The following CDH13 variants were observed in gnomAD, a reference collection of about 807,000 sequenced individuals.
CDH13 encodes the protein cadherin-13.
In CDH13, 24 loss-of-function variants were observed where a neutral mutation model predicts 63.8. The observed-to-expected ratio is 0.38, with a 90% CI of 0.27 to 0.53. The LOEUF (loss-of-function observed/expected upper bound fraction) is 0.53, where lower values mean the gene tolerates loss of function less well. Among genes scored for constraint, CDH13 ranks in the 20% least tolerant of loss-of-function variants. The probability of loss-of-function intolerance (pLI) is 0.85; values close to 1 mark genes in which losing one functional copy is unlikely to be tolerated. For synonymous variants in CDH13, 503 were observed against 355.3 expected, an observed-to-expected ratio of 1.42 and a Z score of -4.67; for missense variants, 1,049 against 903.1, an observed-to-expected ratio of 1.16 and a Z score of -2.07.
chr16:83,582,109 G>A (rs1199033519), intron 7 of CDH13, among the ~76,000 whole-genome samples: 1 of 152,172 alleles, frequency 6.6e-6, no homozygotes, highest in Non-Finnish European at 1.5e-5. Context: ...TGTCAGGGGG[G>A]TGGTTAGTAG....
intron 6 of CDH13, among the ~76,000 whole-genome samples, chr16:83,479,949 G>T (rs1411152009): frequency 6.6e-6 from 1 of 152,208 alleles, no homozygotes; most frequent in Non-Finnish European, 1.5e-5. Flanking sequence ...GGGGGAAGGT[G>T]TTAATGGAAA....
rs148426703 is a variant in CDH13, at chr16:82,980,636, C to T, written c.158-51374C>T. ...ATCTAGGAAGATAAGTTATGGTCTC[C>T]GTGTTCTCTAGTAGAAGAAACAGAC... On this transcript the variant is annotated intron_variant, in intron 2 of 13. Coordinates refer to ENST00000567109, the MANE Select transcript of CDH13 (RefSeq NM_001257.5). Among the ~76,000 whole-genome samples, 1,298 of 152,264 alleles carry T rather than the reference C, an allele frequency of 8.5e-3. 16 individuals carry two copies. Among genetic ancestry groups the T allele is most frequent in the African/African-American group, 0.027 (1,131 of 41,544 alleles).
rs151052882 is a variant in CDH13, at chr16:83,303,969, A to C, written c.637-40893A>C. Among the ~76,000 whole-genome samples, 454 of 152,286 alleles carry C rather than the reference A, an allele frequency of 3.0e-3. 2 individuals carry two copies. Among genetic ancestry groups the C allele is most frequent in the African/African-American group, 9.9e-3 (413 of 41,562 alleles). The stretch of plus-strand genomic sequence containing the variant: ...GGATCTCAGACTTTGCCTATCTGAT[A>C]GGATGAATTGGGCTTTTTCTAGTCT... On this transcript the variant is annotated intron_variant, in intron 5 of 13. Coordinates refer to ENST00000567109, the MANE Select transcript of CDH13 (RefSeq NM_001257.5).
intron 5 of CDH13, among the ~76,000 whole-genome samples, chr16:83,314,697 C>G (rs1224322657): frequency 6.6e-6 from 1 of 152,176 alleles, no homozygotes; most frequent in East Asian, 1.9e-4. Context: ...AGACATGATT[C>G]TGTACTATAC....
intron 2 of CDH13, among the ~76,000 whole-genome samples, chr16:83,020,428 C>G (rs148623158): frequency 6.6e-6 from 1 of 152,164 alleles, no homozygotes; most frequent in Admixed American, 6.5e-5. Flanking sequence ...CCAGGATCCC[C>G]AAAGCCATGT....
At chr16:82,863,634 A>G (rs578231254) in intron 2 of CDH13, among the ~76,000 whole-genome samples, 1 of 152,308 alleles carries the variant, frequency 6.6e-6, no homozygotes, top group South Asian at 2.1e-4. Flanking sequence ...AGTCACAAAT[A>G]AATGGAAGCT....
At chr16:83,605,947 G>A (rs989570406) in intron 8 of CDH13, among the ~76,000 whole-genome samples, 6 of 152,138 alleles carry the variant, frequency 3.9e-5, no homozygotes, top group African/African-American at 7.2e-5. Context: ...ATCAGGCCTC[G>A]GGACAAAAGC....
intron 6 of CDH13, among the ~76,000 whole-genome samples, chr16:83,446,012 A>G (rs184976079): frequency 1.3e-5 from 2 of 152,114 alleles, no homozygotes; most frequent in Non-Finnish European, 2.9e-5. Flanking sequence ...GAAAAACATG[A>G]GGAAGGTCAG....
Position 83,217,432 on chromosome 16 carries a change from A to G in CDH13, c.571A>G (p.Asn191Asp), listed in dbSNP as rs752093899. Reference sequence around the variant, plus strand: ...AGAGCCTAAAGGAATTTTCAGAATCAATGAGAACACAGGGAGCGTCTCCGT... The same window carrying G: ...AGAGCCTAAAGGAATTTTCAGAATCGATGAGAACACAGGGAGCGTCTCCGT... Reference protein sequence around the residue: ...DQEPKGIFRINENTGSVSVTR... With the variant: ...DQEPKGIFRIDENTGSVSVTR... Residue 191 changes from asparagine (N) to aspartate (D), a missense_variant, in exon 5 of 14, where the codon AAT becomes GAT. Asn to Asp is a conservative substitution (Grantham distance 23). Coordinates refer to ENST00000567109, the MANE Select transcript of CDH13 (RefSeq NM_001257.5). 1.9e-6 allele frequency: 3 copies of G among 1,613,850 alleles called. No individual in the cohort carries two copies. The highest frequency in any genetic ancestry group is 1.7e-5 in the Admixed American group (1 of 60,004).
chr16:83,206,235 C>T (rs4782753), intron 4 of CDH13, among the ~76,000 whole-genome samples: 130,914 of 152,226 alleles, frequency 0.86, 58,304 homozygotes, highest in East Asian at 0.97. Context: ...TACTGATTGC[C>T]TACGAAGCCC....
At chr16:83,128,938 C>T (rs1304374240) in intron 4 of CDH13, among the ~76,000 whole-genome samples, 1 of 152,196 alleles carries the variant, frequency 6.6e-6, no homozygotes, top group African/African-American at 2.4e-5. Context: ...GCCTTCAAAA[C>T]CTCTAGATGT....
intron 1 of CDH13, among the ~76,000 whole-genome samples, chr16:82,828,120 G>C (rs1486870074): frequency 6.6e-6 from 1 of 152,160 alleles, no homozygotes; most frequent in African/African-American, 2.4e-5. Context: ...TATTTGATTA[G>C]ACAGCTTTCT....
At chr16:82,795,117 T>A (rs1195754488) in intron 1 of CDH13, among the ~76,000 whole-genome samples, 1 of 152,184 alleles carries the variant, frequency 6.6e-6, no homozygotes, top group African/African-American at 2.4e-5. Flanking sequence ...CACCAGATAG[T>A]GTGGGAAGGA....
intron 6 of CDH13, among the ~76,000 whole-genome samples, chr16:83,393,287 T>C (rs1387244082): frequency 6.6e-6 from 1 of 152,044 alleles, no homozygotes; most frequent in Non-Finnish European, 1.5e-5. Context: ...AGCATTCTCG[T>C]GGGAATATTG....
chr16:83,415,542 A>T (rs2092187545), intron 6 of CDH13, among the ~76,000 whole-genome samples: 1 of 152,212 alleles, frequency 6.6e-6, no homozygotes, highest in Non-Finnish European at 1.5e-5. Flanking sequence ...TGAATCCAGC[A>T]GCACATTAAG....
intron 5 of CDH13, among the ~76,000 whole-genome samples, chr16:83,335,750 G>C (rs1304332502): frequency 6.6e-6 from 1 of 152,016 alleles, no homozygotes; most frequent in African/African-American, 2.4e-5. Flanking sequence ...GTTTTGTTCC[G>C]ATCTAATTAC....
At chr16:83,517,194 T>G (rs181860120) in intron 7 of CDH13, among the ~76,000 whole-genome samples, 1 of 152,294 alleles carries the variant, frequency 6.6e-6, no homozygotes, top group Non-Finnish European at 1.5e-5. Flanking sequence ...CAGGTCATAC[T>G]CAGCTTAGAA....
intron 1 of CDH13, among the ~76,000 whole-genome samples, chr16:82,712,663 G>T (rs908452996): frequency 2.0e-5 from 3 of 152,126 alleles, no homozygotes; most frequent in Non-Finnish European, 4.4e-5. Flanking sequence ...TAATTCCCCT[G>T]CCCCTTTTGT....
chr16:83,466,436 C>T (rs117964423), intron 6 of CDH13, among the ~76,000 whole-genome samples: 3,488 of 152,308 alleles, frequency 0.023, 46 homozygotes, highest in Non-Finnish European at 0.035. Flanking sequence ...AAGATTTCAC[C>T]TTCCTATGAT....
Sources: gnomAD v4.1 joint callset for allele counts (sites outside exome capture counted in the v4.1 genomes callset) on GRCh38, gnomAD v4.1.1 for gene constraint, MANE v1.5 for transcripts, NCBI Gene and HGNC (gene_info 2026-07-23, HGNC 2026-07-21) for gene names.